NBAS: variants seen among roughly 807,000 people sequenced by gnomAD.
The protein encoded by NBAS is NAG/BC035112 fusion.
A neutral mutation model predicts 302.5 loss-of-function variants in NBAS; 219 were observed. That is an observed-to-expected ratio of 0.72 (90% CI 0.65 to 0.81). The LOEUF is 0.81. Among genes scored for constraint, NBAS ranks in the 30% least tolerant of loss-of-function variants. The probability of loss-of-function intolerance (pLI) is 0.00; values close to 1 mark genes in which losing one functional copy is unlikely to be tolerated. For missense variants in NBAS, 2,932 were observed against 2,841.6 expected (o/e 1.03, Z -0.72); for synonymous variants, 1,118 against 1,021.6 (o/e 1.09, Z -1.80).
Position 15,355,512 on chromosome 2 carries a change from GATACGGT to G in NBAS, c.3931+784_3931+790del, listed in dbSNP as rs1156233073. ...CGGTTTGAAAAGCACTATGCTATCT[GATACGGT>G]TTGGATCTGTGTCCCCATCCAAACC... On this transcript the variant is annotated intron_variant, in intron 33 of 51. Coordinates refer to ENST00000281513, the MANE Select transcript of NBAS (RefSeq NM_015909.4). Among the ~76,000 whole-genome samples, 3 of 152,286 alleles carry G rather than the reference GATACGGT, an allele frequency of 2.0e-5. No homozygotes were observed. The East Asian group carries it at 5.8e-4, about 29-fold the overall frequency.
At chr2:15,201,123 C>T (rs1665857356) in intron 48 of NBAS, among the ~76,000 whole-genome samples, 1 of 152,214 alleles carries the variant, frequency 6.6e-6, no homozygotes, top group Non-Finnish European at 1.5e-5. Flanking sequence ...AATCACCATA[C>T]TCTTATCTTC....
chr2:15,276,984 A>G lies in NBAS; in HGVS notation c.5256T>C (p.Gly1752=), dbSNP rs112813720. The G allele has an allele frequency of 4.3e-6, 7 of 1,614,052 alleles. No homozygotes were observed. The highest frequency in any genetic ancestry group is 5.9e-6 in the Non-Finnish European group (7 of 1,179,956). The change falls in exon 43 of 52, where the codon GGT becomes GGC. Residue 1752 remains glycine (G), a synonymous_variant. Coordinates refer to ENST00000281513, the MANE Select transcript of NBAS (RefSeq NM_015909.4). The part of the protein sequence containing the change: ...HMVKYIYPTI[G]GFDHERLQYY... ...ACTGCAGCCTTTCGTGATCAAAGCC[A>G]CCAATAGTAGGGTAAATATACTTGA...
chr2:15,328,203 G>A lies in NBAS; in HGVS notation c.4457C>T (p.Ala1486Val). The A allele has an allele frequency of 6.2e-7, 1 of 1,612,924 alleles. No homozygotes were observed. The highest frequency in any genetic ancestry group is 1.1e-5 in the South Asian group (1 of 91,042). The stretch of plus-strand genomic sequence containing the variant: ...TCCTAGACACGCTGTCCTTACCTCA[G>A]CGACAAAAGGATTTGAGATGACAGA... ...YESVISNPFV[A>V]ESEGTYDTYQ... The change falls in exon 37 of 52, where the codon GCT (alanine) becomes GTT (valine). Residue 1486 changes from alanine (A) to valine (V), a missense_variant. Ala to Val is a moderately conservative substitution (Grantham distance 64). Transcript: ENST00000281513.
intron 25 of NBAS, among the ~76,000 whole-genome samples, chr2:15,403,874 T>G (rs1676274899): frequency 6.8e-6 from 1 of 146,912 alleles, no homozygotes; most frequent in Non-Finnish European, 1.5e-5. Flanking sequence ...CGTGTGTGTG[T>G]GTGTGTGTGT....
At chr2:14,874,428 T>C in the NBAS span, among the ~76,000 whole-genome samples, 1,183 of 145,320 alleles carry the variant, frequency 8.1e-3, 15 homozygotes, top group African/African-American at 0.025. Context: ...AGATTGAGAC[T>C]ATCCTGTCTA....
At chr2:15,464,434 C>T (rs1050263927) in intron 19 of NBAS, among the ~76,000 whole-genome samples, 3 of 152,086 alleles carry the variant, frequency 2.0e-5, no homozygotes, top group Non-Finnish European at 4.4e-5. Flanking sequence ...CAGAAAGAAA[C>T]ATATCTCTGC....
At chr2:14,944,867 G>C in the NBAS span, among the ~76,000 whole-genome samples, 2 of 152,130 alleles carry the variant, frequency 1.3e-5, no homozygotes, top group African/African-American at 2.4e-5. Context: ...TACCGGAAAT[G>C]GTGATTGCCC....
In NBAS at chr2:15,468,287, C is replaced by T. The variant is rs547467384; in HGVS notation, c.1877+95G>A. ...AAGCAACTGCTTCAGTACAGAATAA[C>T]TTAAATAAAGAAAAGTTTACCCAGT... On this transcript the variant is annotated intron_variant, in intron 17 of 51. Coordinates refer to ENST00000281513, the MANE Select transcript of NBAS (RefSeq NM_015909.4). 25 of 1,455,096 alleles carry T rather than the reference C, an allele frequency of 1.7e-5. No homozygotes were observed. The Admixed American group carries it at 3.4e-4, about 20-fold the overall frequency. 90.1% of individuals were successfully genotyped at this position (1,455,096 alleles called of 1,614,324 possible).
At chr2:15,200,802 C>T (rs184080936) in intron 48 of NBAS, among the ~76,000 whole-genome samples, 209 of 152,264 alleles carry the variant, frequency 1.4e-3, no homozygotes, top group African/African-American at 4.1e-3. Flanking sequence ...TGAACTAAGT[C>T]ACCTATTATC....
the NBAS span, among the ~76,000 whole-genome samples, chr2:15,105,467 A>AAAGG: frequency 2.7e-5 from 4 of 150,176 alleles, no homozygotes; most frequent in African/African-American, 1.0e-4. Context: ...TACAAAAAAA[A>AAAGG]AAAGAAAGAA....
the NBAS span, among the ~76,000 whole-genome samples, chr2:15,029,836 C>G: frequency 1.8e-4 from 27 of 152,104 alleles, no homozygotes; most frequent in Non-Finnish European, 3.5e-4. Context: ...GTGCCCTTCC[C>G]AATGTTACCT....
intron 25 of NBAS, among the ~76,000 whole-genome samples, chr2:15,408,991 T>G (rs1289368274): frequency 1.3e-5 from 2 of 152,146 alleles, no homozygotes; most frequent in Non-Finnish European, 2.9e-5. Context: ...CTGGGCAACG[T>G]AGCAAGACAC....
At chr2:14,885,586 A>G in the NBAS span, among the ~76,000 whole-genome samples, 10 of 152,296 alleles carry the variant, frequency 6.6e-5, no homozygotes, top group East Asian at 5.8e-4. Context: ...ATTGATCCAC[A>G]TGCGGATGGA....
chr2:15,148,356 G>A, the NBAS span, among the ~76,000 whole-genome samples: 2 of 152,138 alleles, frequency 1.3e-5, no homozygotes, highest in African/African-American at 4.8e-5. Context: ...GTGGTTCTCT[G>A]CAACAAAAAC....
At chr2:15,351,215 T>G (rs1364188573) in intron 35 of NBAS, among the ~76,000 whole-genome samples, 2 of 152,208 alleles carry the variant, frequency 1.3e-5, no homozygotes, top group East Asian at 1.9e-4. Context: ...ACACTAAGTA[T>G]AACTATTTCT....
intron 46 of NBAS, among the ~76,000 whole-genome samples, chr2:15,233,130 G>A (rs947075158): frequency 5.9e-5 from 9 of 151,984 alleles, no homozygotes; most frequent in South Asian, 4.1e-4. Flanking sequence ...TTGTTATTTC[G>A]TGCCTACTAC....
intron 38 of NBAS, among the ~76,000 whole-genome samples, chr2:15,310,962 C>G (rs1671247802): frequency 6.6e-6 from 1 of 152,194 alleles, no homozygotes; most frequent in South Asian, 2.1e-4. Context: ...CCTACAAAAT[C>G]CAACAGAATG....
At chr2:14,866,854 C>A in the NBAS span, among the ~76,000 whole-genome samples, 19 of 152,236 alleles carry the variant, frequency 1.2e-4, 1 homozygote, top group South Asian at 2.7e-3. Flanking sequence ...CTGAAATGGG[C>A]CTTGGCTCAG....
intron 8 of NBAS, 66 bp downstream of exon 8, chr2:15,536,351 CA>C (rs1663512779): frequency 6.6e-7 from 1 of 1,511,928 alleles, no homozygotes; most frequent in Non-Finnish European, 9.0e-7. Context: ...AAAGAAATAT[CA>C]AAATCTGACA....
Sources: allele counts gnomAD v4.1 joint callset (sites outside exome capture counted in the v4.1 genomes callset), GRCh38; gene constraint gnomAD v4.1.1; transcripts MANE v1.5; gene names NCBI Gene and HGNC (gene_info 2026-07-23, HGNC 2026-07-21).